Variants in LMF1 observed in about 807,000 individuals in gnomAD.
LMF1 encodes transmembrane protein 112.
Under a neutral mutation model 60.6 loss-of-function variants are expected in LMF1, and 68 were observed. The observed-to-expected ratio is 1.12, with a 90% CI of 0.92 to 1.37. LMF1 has a LOEUF of 1.37. LMF1 is among the 40% of genes most tolerant of loss of function. The pLI is 0.00. For missense variants in LMF1, 948 were observed against 767.2 expected (o/e 1.24, Z -2.78); for synonymous variants, 418 against 324.7 (o/e 1.29, Z -3.09).
intron 1 of LMF1, among the ~76,000 whole-genome samples, chr16:957,182 C>T (rs2072724085): frequency 2.0e-5 from 3 of 152,104 alleles, no homozygotes; most frequent in Admixed American, 2.0e-4. Context: ...CAAGGAATGA[C>T]ACAGGGATGA....
At position 870,048 on chromosome 16, in the gene LMF1, C is replaced by G; in HGVS notation, c.1251G>C (p.Ala417=). The G allele has an allele frequency of 6.2e-7, 1 of 1,610,346 alleles. No homozygotes were observed. Among genetic ancestry groups the G allele is most frequent in the Non-Finnish European group, 8.5e-7 (1 of 1,179,642 alleles). ...GAFGSITKER[A]EVILQGTASS... ...TGGCTGTGCCCTGCAGGATCACCTC[C>G]GCCCGCTCCTTGGTGATGCTGCCGG... Residue 417 remains alanine, a synonymous_variant, in exon 9 of 11, where the codon GCG becomes GCC. Coordinates refer to ENST00000262301, the MANE Select transcript of LMF1 (RefSeq NM_022773.4).
In LMF1 at chr16:910,990, T is replaced by C. The variant is rs2071095586; in HGVS notation, c.604A>G (p.Thr202Ala). 1 of 1,612,944 alleles carries C rather than the reference T, an allele frequency of 6.2e-7. No homozygotes were observed. Among genetic ancestry groups the C allele is most frequent in the Non-Finnish European group, 8.5e-7 (1 of 1,179,884 alleles). Residue 202 changes from threonine to alanine, a missense_variant, in exon 4 of 11, where the codon ACA (threonine) becomes GCA (alanine). By Grantham distance (58) the Thr-to-Ala change is moderately conservative. Transcript: ENST00000262301. ...TLSRLPQHTP[T>A]SRIVLWGFRW... ...AAGCCCCACAGGACAATCCGGGATG[T>C]GGGGGTATGCTGGGGCAGCCTTGAC...
At chr16:963,393 T>A (rs572295563) in intron 1 of LMF1, among the ~76,000 whole-genome samples, 82 of 152,180 alleles carry the variant, frequency 5.4e-4, no homozygotes, top group African/African-American at 1.9e-3. Context: ...CATGTGTCCC[T>A]GTGTGTATGT....
Position 886,602 on chromosome 16 carries a change from A to G in LMF1, c.729+6405T>C, listed in dbSNP as rs867122161. Among the ~76,000 whole-genome samples the G allele has an allele frequency of 6.9e-3, 32 of 4,614 alleles. 1 individual carries two copies. Among genetic ancestry groups the G allele is most frequent in the African/African-American group, 0.066 (24 of 362 alleles). The allele number at this position is 4,614 out of a possible 152,430, so 3.0% of individuals were successfully genotyped here. ...GCGTTCCCCAGGCCCCTCCCACCCT[A>G]GGCCCCCGGCGTTCCCCAGGCCCCT... On this transcript the variant is annotated intron_variant, in intron 5 of 10. Coordinates refer to ENST00000262301, the MANE Select transcript of LMF1 (RefSeq NM_022773.4).
intron 3 of LMF1, among the ~76,000 whole-genome samples, chr16:930,754 C>T (rs577812418): frequency 2.6e-5 from 4 of 152,352 alleles, no homozygotes; most frequent in East Asian, 3.9e-4. Flanking sequence ...GCCACGAGCC[C>T]TCAGAAGGCA....
At chr16:943,932 T>C (rs868134938) in intron 2 of LMF1, among the ~76,000 whole-genome samples, 1 of 152,180 alleles carries the variant, frequency 6.6e-6, no homozygotes, top group Non-Finnish European at 1.5e-5. Flanking sequence ...GTTGACATTA[T>C]GAAAGATCAT....
intron 2 of LMF1, among the ~76,000 whole-genome samples, chr16:940,275 G>T (rs73483839): frequency 0.011 from 1,689 of 152,270 alleles, 37 homozygotes; most frequent in African/African-American, 0.039. Flanking sequence ...CTTGTTTGAA[G>T]CCTCCCCACG....
intron 9 of LMF1, 32 bp from the exon 10 acceptor site, chr16:869,088 T>C: frequency 7.2e-7 from 1 of 1,396,114 alleles, no homozygotes; most frequent in South Asian, 1.2e-5. Context: ...GAGACGGCTG[T>C]GCCACTCGCT....
chr16:899,024 T>A (rs1467463839), intron 4 of LMF1: 1 of 151,916 alleles, frequency 6.6e-6, no homozygotes, highest in Non-Finnish European at 1.5e-5. Flanking sequence ...TGTAGCAGAG[T>A]TTTATTTTGC....
chr16:932,442 C>T (rs900673436), intron 3 of LMF1, among the ~76,000 whole-genome samples: 1 of 152,242 alleles, frequency 6.6e-6, no homozygotes, highest in South Asian at 2.1e-4. Context: ...TCTTGCCTCA[C>T]GGACTCGATT....
upstream of LMF1, among the ~76,000 whole-genome samples, chr16:972,346 G>C (rs572243178): frequency 3.3e-5 from 5 of 152,332 alleles, no homozygotes; most frequent in South Asian, 1.0e-3. Context: ...TCCGCATGCT[G>C]GCCCAGCCTC....
chr16:854,869 C>A, intron 10 of LMF1, 163 bp from the exon 11 acceptor site: 1 of 684,504 alleles, frequency 1.5e-6, no homozygotes, highest in South Asian at 1.7e-5. Flanking sequence ...CCAGCAGACC[C>A]CGGGCAGGGC....
intron 8 of LMF1, 113 bp downstream of exon 8, chr16:870,616 G>C (rs1389727677): frequency 7.9e-7 from 1 of 1,265,820 alleles, no homozygotes; most frequent in Admixed American, 1.8e-5. Flanking sequence ...GGGTGGGGCA[G>C]GGGACACTTG....
At chr16:862,468 A>T (rs1039046035) in intron 10 of LMF1, among the ~76,000 whole-genome samples, 1 of 152,144 alleles carries the variant, frequency 6.6e-6, no homozygotes, top group African/African-American at 2.4e-5. Flanking sequence ...TTGTTAAAAA[A>T]TTTTGTGTCT....
rs1352015060 is a variant in LMF1 at position 917,522 on chromosome 16, G to A, written c.515-6443C>T. ...ACGTGAAGAAATGCCACACGTGTGC[G>A]CTGTGGGCGGGCGCAGGCCCACGTG... is the stretch of plus-strand genomic sequence containing the variant. On this transcript the variant is annotated intron_variant, in intron 3 of 10. Transcript: ENST00000262301. Among the ~76,000 whole-genome samples the A allele has an allele frequency of 3.4e-5, 5 of 148,890 alleles. No homozygotes were observed. The East Asian group carries it at 6.0e-4, about 18-fold the overall frequency.
chr16:894,486 A>G (rs927051111), intron 4 of LMF1, among the ~76,000 whole-genome samples: 2 of 151,552 alleles, frequency 1.3e-5, no homozygotes, highest in African/African-American at 4.8e-5. Flanking sequence ...TACCTGGCAC[A>G]TAAGTACTGA....
At chr16:949,536 T>TCAGCCAACGACAGAGG (rs1389225284) in intron 2 of LMF1, among the ~76,000 whole-genome samples, 1 of 110,948 alleles carries the variant, frequency 9.0e-6, no homozygotes, top group Admixed American at 9.7e-5. Flanking sequence ...AACGACAGAG[T>TCAGCCAACGACAGAGG]CAGAGCCAAC....
chr16:973,772 G>A (rs890277538), upstream of LMF1, among the ~76,000 whole-genome samples: 2 of 152,114 alleles, frequency 1.3e-5, no homozygotes, highest in Middle Eastern at 3.2e-3. Context: ...AGGCCGAGGC[G>A]GGTGGATCAC....
intron 1 of LMF1, among the ~76,000 whole-genome samples, chr16:954,992 T>A: frequency 7.0e-6 from 1 of 142,144 alleles, no homozygotes; most frequent in African/African-American, 2.6e-5. Flanking sequence ...ACCAGACACG[T>A]TACATAAAAT....
Sources: gnomAD v4.1 joint callset for allele counts (sites outside exome capture counted in the v4.1 genomes callset) on GRCh38, gnomAD v4.1.1 for gene constraint, MANE v1.5 for transcripts, NCBI Gene and HGNC (gene_info 2026-07-23, HGNC 2026-07-21) for gene names.